The following NTM variants were observed in gnomAD, a reference collection of about 807,000 sequenced individuals.
NTM encodes IgLON family member 2.
In NTM, 13 loss-of-function variants were observed where a neutral mutation model predicts 42.1. The observed-to-expected ratio is 0.31, with a 90% CI of 0.20 to 0.49. NTM has a LOEUF of 0.49. NTM is among the 20% of genes least tolerant of loss of function. The probability of loss-of-function intolerance (pLI) is 0.99; values close to 1 mark genes in which losing one functional copy is unlikely to be tolerated. For synonymous variants in NTM, 187 were observed against 179.2 expected, an observed-to-expected ratio of 1.04 and a Z score of -0.35; for missense variants, 373 against 452.8, an observed-to-expected ratio of 0.82 and a Z score of 1.60.
At chr11:132,096,247 C>T (rs1299642155) in intron 2 of NTM, among the ~76,000 whole-genome samples, 1 of 152,150 alleles carries the variant, frequency 6.6e-6, no homozygotes, top group Non-Finnish European at 1.5e-5. Flanking sequence ...TTTCACATTA[C>T]TAGAGTAACA....
intron 2 of NTM, among the ~76,000 whole-genome samples, chr11:132,115,952 T>C (rs1251864243): frequency 6.6e-6 from 1 of 152,188 alleles, no homozygotes; most frequent in East Asian, 1.9e-4. Flanking sequence ...TCCTCCTCCT[T>C]GTAATGCTCT....
chr11:132,053,301 G>A, intron 2 of NTM, among the ~76,000 whole-genome samples: 1 of 152,190 alleles, frequency 6.6e-6, no homozygotes, highest in Non-Finnish European at 1.5e-5. Flanking sequence ...GGCCTGACCA[G>A]GTAAAATGGT....
intron 1 of NTM, chr11:131,794,461 T>C: frequency 1.0e-6 from 1 of 985,168 alleles, no homozygotes; most frequent in African/African-American, 1.7e-5. Context: ...GGCGTTTGCC[T>C]TTCCTCCCCA....
intron 2 of NTM, among the ~76,000 whole-genome samples, chr11:132,054,242 A>G (rs2079273178): frequency 6.6e-6 from 1 of 152,072 alleles, no homozygotes; most frequent in South Asian, 2.1e-4. Context: ...AAATCAAAAT[A>G]TTGTTTCCAC....
At chr11:132,272,131 C>T (rs963591206) in intron 4 of NTM, among the ~76,000 whole-genome samples, 2 of 152,044 alleles carry the variant, frequency 1.3e-5, no homozygotes, top group Non-Finnish European at 2.9e-5. Context: ...GAAAAGACTA[C>T]TCCTTCCCCT....
chr11:131,431,198 A>G (rs567066740), intron 1 of NTM, among the ~76,000 whole-genome samples: 142 of 152,120 alleles, frequency 9.3e-4, no homozygotes, highest in Non-Finnish European at 1.7e-3. Flanking sequence ...GGTCATGTGC[A>G]TCTCTCATTC....
At chr11:131,777,627 T>G (rs962336210) in intron 1 of NTM, among the ~76,000 whole-genome samples, 12 of 151,890 alleles carry the variant, frequency 7.9e-5, no homozygotes, top group Non-Finnish European at 1.5e-4. Flanking sequence ...TTACCCTCAT[T>G]TTTTCAAAAA....
At chr11:131,665,812 C>T (rs2068943441) in intron 1 of NTM, among the ~76,000 whole-genome samples, 2 of 152,330 alleles carry the variant, frequency 1.3e-5, no homozygotes, top group African/African-American at 2.4e-5. Context: ...GAGACAAATT[C>T]CCACCCCACC....
chr11:131,556,110 G>A (rs749520851), intron 1 of NTM, among the ~76,000 whole-genome samples: 54 of 152,148 alleles, frequency 3.5e-4, no homozygotes, highest in Non-Finnish European at 5.0e-4. Flanking sequence ...CCTTGGAACC[G>A]AAGACAGACA....
intron 2 of NTM, among the ~76,000 whole-genome samples, chr11:131,959,314 C>T (rs868285227): frequency 1.8e-4 from 27 of 152,130 alleles, no homozygotes; most frequent in Admixed American, 1.4e-3. Flanking sequence ...TAAAGTTCTT[C>T]GCTGTATTAA....
intron 1 of NTM, among the ~76,000 whole-genome samples, chr11:131,469,182 C>T (rs1952181816): frequency 6.6e-6 from 1 of 152,198 alleles, no homozygotes; most frequent in African/African-American, 2.4e-5. Flanking sequence ...CACCCACTGC[C>T]ACTGTGAGGC....
At chr11:131,948,705 AGCAGAGGCGTCCATGCTGGCAAC>A (rs1276240921) in intron 2 of NTM, among the ~76,000 whole-genome samples, 1 of 152,222 alleles carries the variant, frequency 6.6e-6, no homozygotes, top group Non-Finnish European at 1.5e-5. Flanking sequence ...ATGGCAACAT[AGCAGAGGCGTCCATGCTGGCAAC>A]TGATATAAAA....
chr11:131,702,998 G>C (rs1205297376), intron 1 of NTM, among the ~76,000 whole-genome samples: 2 of 152,166 alleles, frequency 1.3e-5, no homozygotes, highest in African/African-American at 4.8e-5. Flanking sequence ...GAAGAGGATA[G>C]TCATAATTGT....
intron 1 of NTM, among the ~76,000 whole-genome samples, chr11:131,803,037 A>AC (rs1456391070): frequency 1.3e-5 from 2 of 152,160 alleles, no homozygotes; most frequent in African/African-American, 4.8e-5. Flanking sequence ...CATGTCATGT[A>AC]CCTGGCACCC....
At chr11:132,324,659 T>C (rs2095641526) in intron 7 of NTM, among the ~76,000 whole-genome samples, 1 of 6,696 alleles carries the variant, frequency 1.5e-4, no homozygotes, top group East Asian at 3.7e-3. Context: ...CTTCACAGAA[T>C]TGGAAAAAAA....
chr11:131,611,476 C>T (rs772474093), intron 1 of NTM, among the ~76,000 whole-genome samples: 10 of 152,314 alleles, frequency 6.6e-5, no homozygotes, highest in South Asian at 2.1e-4. Flanking sequence ...TCTGCCTCTC[C>T]GGCTCCTCTG....
intron 4 of NTM, among the ~76,000 whole-genome samples, chr11:132,290,999 A>G (rs919621005): frequency 6.6e-6 from 1 of 152,210 alleles, no homozygotes. Context: ...GGAAGAAATG[A>G]TAAGGAAATA....
chr11:131,514,276 T>C (rs1249673656), intron 1 of NTM, among the ~76,000 whole-genome samples: 1 of 152,154 alleles, frequency 6.6e-6, no homozygotes, highest in Non-Finnish European at 1.5e-5. Context: ...TCTGTAAATG[T>C]AGGTAATACA....
chr11:131,372,780 A>G (rs994639386), intron 1 of NTM, among the ~76,000 whole-genome samples: 2 of 147,186 alleles, frequency 1.4e-5, no homozygotes, highest in African/African-American at 5.0e-5. Context: ...TTACATATAA[A>G]TTAGCATACG....
Sources: allele counts gnomAD v4.1 joint callset (sites outside exome capture counted in the v4.1 genomes callset), GRCh38; gene constraint gnomAD v4.1.1; transcripts MANE v1.5; gene names NCBI Gene and HGNC (gene_info 2026-07-23, HGNC 2026-07-21).